The following COX18 variants were observed in gnomAD, a reference collection of about 807,000 sequenced individuals.
The protein encoded by COX18 is cytochrome c oxidase assembly protein COX18, mitochondrial.
A neutral mutation model predicts 38.0 loss-of-function variants in COX18; 45 were observed. The observed-to-expected ratio is 1.18, with a 90% CI of 0.93 to 1.52. The LOEUF (loss-of-function observed/expected upper bound fraction) is 1.52. Among genes scored for constraint, COX18 ranks in the 40% most tolerant of loss-of-function variants. The pLI, the probability that COX18 is intolerant of heterozygous loss-of-function variation, is 0.00. For missense variants in COX18, 462 were observed against 423.8 expected (o/e 1.09, Z -0.79); for synonymous variants, 177 against 169.8 (o/e 1.04, Z -0.33).
chr4:73,069,751 AAAGCGC>A (rs1163739752), upstream of COX18: 34 of 1,149,728 alleles, frequency 3.0e-5, no homozygotes, highest in Non-Finnish European at 3.8e-5. Flanking sequence ...CAGCGGGCAT[AAAGCGC>A]ATGCGCGCCT....
At chr4:73,058,658 T>C (rs1015840135) in intron 5 of COX18, among the ~76,000 whole-genome samples, 2 of 152,178 alleles carry the variant, frequency 1.3e-5, no homozygotes, top group South Asian at 4.1e-4. Flanking sequence ...GTGGCACTTA[T>C]GATGGCAAAC....
At chr4:73,068,512 A>G (rs1272825215) in intron 1 of COX18, 1 of 162,102 alleles carries the variant, frequency 6.2e-6, no homozygotes, top group African/African-American at 2.4e-5. Flanking sequence ...AGAACCTTTA[A>G]TACACTGTGA....
chr4:73,066,780 T>C (rs964621878), intron 2 of COX18, among the ~76,000 whole-genome samples: 19 of 152,318 alleles, frequency 1.2e-4, no homozygotes, highest in Admixed American at 7.8e-4. Context: ...CAACTTTTAA[T>C]TTTTACCAAA....
rs58461499 is a variant in COX18, at chr4:73,063,079, C to A, written c.724-1159G>T. On this transcript the variant is annotated intron_variant, in intron 4 of 5. Coordinates refer to ENST00000507544, the MANE Select transcript of COX18 (RefSeq NM_001297732.2). ...CAGCACTTTGGGAGGCTGAGGCGGG[C>A]GGATCATTTGAGGTCAGGAGTTCCA... 2.3e-3 allele frequency among the ~76,000 whole-genome samples: 351 copies of A among 151,982 alleles called. 16 individuals carry two copies. The East Asian group carries it at 0.063, about 27-fold the overall frequency.
In COX18 at chr4:73,065,248, A is replaced by G. The variant is rs1436310506; in HGVS notation, c.598+2T>C. ...CTTTGGGAGAAGACATACAATAATT[A>G]CCTTCTGAATGTGCTGCCCCCGTGC... On this transcript the variant is annotated splice_donor_variant, in intron 3 of 5. Coordinates refer to ENST00000507544, the MANE Select transcript of COX18 (RefSeq NM_001297732.2). LOFTEE classifies it high-confidence loss of function. The G allele has an allele frequency of 6.2e-7, 1 of 1,608,004 alleles. No homozygotes were observed. Among genetic ancestry groups the G allele is most frequent in the Non-Finnish European group, 8.5e-7 (1 of 1,177,700 alleles).
intron 5 of COX18, among the ~76,000 whole-genome samples, chr4:73,061,327 A>G (rs1481939614): frequency 6.6e-6 from 1 of 152,188 alleles, no homozygotes; most frequent in African/African-American, 2.4e-5. Flanking sequence ...GCAAAATTTA[A>G]AAAAAGGCAA....
At chr4:73,064,697 A>G (rs1720339808) in intron 4 of COX18, 81 bp downstream of exon 4, 1 of 1,527,916 alleles carries the variant, frequency 6.5e-7, no homozygotes, top group Non-Finnish European at 9.0e-7. Flanking sequence ...CACCAACTCA[A>G]ACAAAAACAG....
upstream of COX18, chr4:73,069,728 C>A (rs760030242): frequency 1.5e-5 from 20 of 1,362,988 alleles, no homozygotes; most frequent in Non-Finnish European, 1.7e-5. Context: ...CTGATACGCG[C>A]ACGCGCCAGC....
At chr4:73,059,228 C>A (rs190947117) in intron 5 of COX18, among the ~76,000 whole-genome samples, 1 of 152,312 alleles carries the variant, frequency 6.6e-6, no homozygotes, top group Admixed American at 6.5e-5. Flanking sequence ...GGTAATCAGG[C>A]CCCAGAAACA....
intron 2 of COX18, 145 bp downstream of exon 2, chr4:73,067,884 T>TATATATATATATAA (rs1289365401): frequency 2.7e-5 from 3 of 109,670 alleles, no homozygotes; most frequent in Non-Finnish European, 3.3e-5. Flanking sequence ...TATATATATA[T>TATATATATATATAA]AAAAAAAGAA....
intron 2 of COX18, 32 bp downstream of exon 2, chr4:73,067,981 TGTGTGTGTATGTGTGC>T (rs1720553592): frequency 1.0e-6 from 1 of 998,004 alleles, no homozygotes. Flanking sequence ...TGTGTGTGTG[TGTGTGTGTATGTGTGC>T]GTATGGTCTT....
chr4:73,062,011 C>CGAT, intron 4 of COX18, 91 bp from the exon 5 acceptor site: 4 of 668,820 alleles, frequency 6.0e-6, no homozygotes, highest in Admixed American at 2.6e-5. Flanking sequence ...TTTTCACTGG[C>CGAT]CTCCATCTAC....
At chr4:73,065,512 G>T in intron 2 of COX18, 99 bp from the exon 3 acceptor site, 1 of 1,045,778 alleles carries the variant, frequency 9.6e-7, no homozygotes, top group Non-Finnish European at 1.4e-6. Flanking sequence ...GTAGTTATTA[G>T]CTAAAGGATT....
chr4:73,069,404 C>T lies in COX18; in HGVS notation c.246G>A (p.Trp82Ter), dbSNP rs767773129. ...LGVHAATGLP[W>*]WGSILLSTVA... Reference sequence around the variant, plus strand: ...CGGTGGAGAGCAGAATGCTGCCCCACCAGGGCAGGCCCGTGGCGGCGTGCA... The same window carrying T: ...CGGTGGAGAGCAGAATGCTGCCCCATCAGGGCAGGCCCGTGGCGGCGTGCA... Residue 82 changes from tryptophan (W) to a stop codon, truncating the protein, a stop_gained, in exon 1 of 6, where the codon TGG becomes TGA. Transcript: ENST00000507544. LOFTEE classifies it high-confidence loss of function. 1.3e-6 allele frequency: 2 copies of T among 1,568,246 alleles called. No homozygotes were observed. Among genetic ancestry groups the T allele is most frequent in the African/African-American group, 2.7e-5 (2 of 74,088 alleles).
At chr4:73,068,211 G>T in intron 1 of COX18, 82 bp from the exon 2 acceptor site, 1 of 819,876 alleles carries the variant, frequency 1.2e-6, no homozygotes, top group Non-Finnish European at 1.9e-6. Context: ...TTATTCCCTC[G>T]AGTCATTTAA....
chr4:73,061,641 G>T (rs1577949825), intron 5 of COX18, among the ~76,000 whole-genome samples, 172 bp downstream of exon 5: 2 of 150,782 alleles, frequency 1.3e-5, no homozygotes, highest in African/African-American at 4.9e-5. Context: ...CCAGGAGGCG[G>T]AGCTTGCAGT....
intron 5 of COX18, among the ~76,000 whole-genome samples, chr4:73,059,273 C>T (rs1463994172): frequency 6.6e-6 from 1 of 152,220 alleles, no homozygotes; most frequent in Non-Finnish European, 1.5e-5. Context: ...GTCCTGGAGG[C>T]AAACTGCCTG....
Position 73,053,815 on chromosome 4 carries a change from A to C in COX18, c.*4299T>G, listed in dbSNP as rs200255849. The C allele has an allele frequency of 6.6e-6, 1 of 152,224 alleles. No homozygotes were observed. The highest frequency in any genetic ancestry group is 1.9e-4 in the East Asian group (1 of 5,198). 9.4% of individuals were successfully genotyped at this position (152,224 alleles called of 1,614,324 possible). A position where few individuals can be genotyped will look rare whatever the true frequency, so the allele number is the denominator to read the frequency against. ...CTCATCTTCCCACTTAGGACATCTG[A>C]CTAGGATGGGATTTGTTCAGTTTTC... On this transcript the variant is annotated 3_prime_UTR_variant, in exon 6 of 6. Coordinates refer to ENST00000507544, the MANE Select transcript of COX18 (RefSeq NM_001297732.2).
At chr4:73,064,193 C>A (rs1192163636) in intron 4 of COX18, among the ~76,000 whole-genome samples, 1 of 151,422 alleles carries the variant, frequency 6.6e-6, no homozygotes, top group African/African-American at 2.4e-5. Context: ...GCAGAGGTTG[C>A]AGTGAGCCAA....
Sources: gnomAD v4.1 joint callset for allele counts (sites outside exome capture counted in the v4.1 genomes callset) on GRCh38, gnomAD v4.1.1 for gene constraint, MANE v1.5 for transcripts, NCBI Gene and HGNC (gene_info 2026-07-23, HGNC 2026-07-21) for gene names.